FAM234A: variants seen among roughly 807,000 people sequenced by gnomAD.
The protein encoded by FAM234A is protein FAM234A.
Under a neutral mutation model 49.1 loss-of-function variants are expected in FAM234A, and 42 were observed. The observed-to-expected ratio is 0.86, with a 90% CI of 0.67 to 1.11. The LOEUF is 1.11. Ranked by LOEUF, FAM234A falls within the 50% of genes least tolerant of loss-of-function variation. FAM234A has a pLI of 0.00. For missense variants in FAM234A, 815 were observed against 745.2 expected, an observed-to-expected ratio of 1.09 and a Z score of -1.09; for synonymous variants, 369 against 316.2, an observed-to-expected ratio of 1.17 and a Z score of -1.77.
chr16:269,724 C>T, downstream of FAM234A: 1 of 676,488 alleles, frequency 1.5e-6, no homozygotes, highest in Non-Finnish European at 2.5e-6. Flanking sequence ...GAGGCAGCCG[C>T]CTCGGACCTG....
rs528140966 is a variant in FAM234A, at chr16:248,755, G to A, written c.-139-794G>A. Among the ~76,000 whole-genome samples the A allele has an allele frequency of 2.0e-5, 3 of 151,772 alleles. No homozygotes were observed. The South Asian group carries it at 6.2e-4, about 32-fold the overall frequency. On this transcript the variant is annotated intron_variant, in intron 1 of 12. Transcript: ENST00000399932. ...CCTGCCTCAGCCTCCTGAGTAGTTG[G>A]GACTATAGGTGCCCACCACCACACC...
At chr16:267,526 GCA>G (rs113070423), downstream of FAM234A, among the ~76,000 whole-genome samples, 33 of 148,136 alleles carry the variant, frequency 2.2e-4, no homozygotes, top group East Asian at 8.1e-4. Context: ...CACGACACGT[GCA>G]CACACACCAC....
In FAM234A at chr16:254,610, T is replaced by A; in HGVS notation, c.197T>A (p.Val66Asp). The A allele has an allele frequency of 6.2e-7, 1 of 1,613,508 alleles. No homozygotes were observed. Among genetic ancestry groups the A allele is most frequent in the South Asian group, 1.1e-5 (1 of 91,052 alleles). The change falls in exon 3 of 13, where the codon GTC (valine) becomes GAC (aspartate). Residue 66 changes from valine to aspartate, a missense_variant. Val to Asp is a radical substitution (Grantham distance 152). Transcript: ENST00000399932. The part of the protein sequence containing the change: ...LFLCLFVVFV[V>D]SFVIPCPDRP... Reference sequence around the variant, plus strand: ...CTCTGCCTTTTTGTGGTGTTCGTCGTCTCATTCGTCATCCCGTGTCCAGAC... The same window carrying A: ...CTCTGCCTTTTTGTGGTGTTCGTCGACTCATTCGTCATCCCGTGTCCAGAC...
chr16:237,841 C>A (rs1211499977), intron 1 of FAM234A, among the ~76,000 whole-genome samples: 2 of 150,728 alleles, frequency 1.3e-5, no homozygotes, highest in African/African-American at 4.9e-5. Context: ...GGAGCTGGGA[C>A]TACAAGCACG....
chr16:241,661 T>G (rs1422638305), intron 1 of FAM234A, among the ~76,000 whole-genome samples: 1 of 152,110 alleles, frequency 6.6e-6, no homozygotes, highest in Non-Finnish European at 1.5e-5. Flanking sequence ...CTCAGGCCTG[T>G]AATCCCAGCA....
In FAM234A at chr16:259,891, G is replaced by A. The variant is rs1461773627; in HGVS notation, c.386-78G>A. On this transcript the variant is annotated intron_variant, in intron 4 of 12. Transcript: ENST00000399932. ...GGAGAGGTGTGAGGAAAACAGACCT[G>A]GAACAGCACATGCTGGGGCTGGCCG... 4 of 1,333,208 alleles carry A rather than the reference G, an allele frequency of 3.0e-6. No individual in the cohort carries two copies. The African/African-American group carries it at 5.8e-5, about 19-fold the overall frequency. The allele number at this position is 1,333,208 out of a possible 1,614,324, so 82.6% of individuals were successfully genotyped here.
rs1006076461 is a variant in FAM234A at position 264,708 on chromosome 16, C to A, written c.1439C>A (p.Ala480Asp). Reference sequence around the variant, plus strand: ...GCCAATGTCTCTACCCACATTGTCGCCTTTGACGGTGAGTGTGGCCTCGGC... The same window carrying A: ...GCCAATGTCTCTACCCACATTGTCGACTTTGACGGTGAGTGTGGCCTCGGC... The part of the protein sequence containing the change: ...ELANVSTHIV[A>D]FDAVLFEPSR... The change falls in exon 12 of 13, where the codon GCC becomes GAC. Residue 480 changes from alanine to aspartate, a missense_variant. Physicochemically the swap from Ala to Asp is moderately radical, Grantham distance 126. Transcript: ENST00000399932. 1 of 1,611,324 alleles carries A rather than the reference C, an allele frequency of 6.2e-7. No individual in the cohort carries two copies. The highest frequency in any genetic ancestry group is 8.5e-7 in the Non-Finnish European group (1 of 1,179,752).
intron 1 of FAM234A, among the ~76,000 whole-genome samples, chr16:241,141 G>A (rs189957003): frequency 6.6e-6 from 1 of 151,934 alleles, no homozygotes; most frequent in African/African-American, 2.4e-5. Context: ...GGCTGGTCTC[G>A]AACTCCTGCG....
chr16:269,402 C>A, downstream of FAM234A: 1 of 1,594,674 alleles, frequency 6.3e-7, no homozygotes. Context: ...GAGAAGGCGG[C>A]TGAGAACAGG....
chr16:254,656 G>A lies in FAM234A; in HGVS notation c.243G>A (p.Met81Ile), dbSNP rs1377298153. 2 of 1,613,922 alleles carry A rather than the reference G, an allele frequency of 1.2e-6. No individual in the cohort carries two copies. The highest frequency in any genetic ancestry group is 1.7e-6 in the Non-Finnish European group (2 of 1,180,046). Residue 81 changes from methionine to isoleucine, a missense_variant, in exon 3 of 13, where the codon ATG becomes ATA. Coordinates refer to ENST00000399932, the MANE Select transcript of FAM234A (RefSeq NM_032039.4). ...PCPDRPASQR[M>I]WRIDYSAAVI... is the part of the protein sequence containing the mutation. Reference sequence around the variant, plus strand: ...CAGACCGGCCGGCGTCACAGCGAATGTGGAGGATAGACTACAGTGCCGCTG... The same window carrying A: ...CAGACCGGCCGGCGTCACAGCGAATATGGAGGATAGACTACAGTGCCGCTG...
chr16:238,810 C>T (rs368717306), intron 1 of FAM234A, among the ~76,000 whole-genome samples: 1 of 136,134 alleles, frequency 7.3e-6, no homozygotes, highest in Non-Finnish European at 1.6e-5. Context: ...CCTGGCTGGG[C>T]GTGGTGGCTC....
At chr16:269,362 C>G, downstream of FAM234A, 1 of 1,603,408 alleles carries the variant, frequency 6.2e-7, no homozygotes, top group Non-Finnish European at 8.5e-7. Context: ...AGTGCCGTGG[C>G]CTCCACGTAA....
chr16:238,324 C>G (rs963279470), intron 1 of FAM234A, among the ~76,000 whole-genome samples: 1 of 152,022 alleles, frequency 6.6e-6, no homozygotes, highest in African/African-American at 2.4e-5. Flanking sequence ...CGCCCCTGTC[C>G]GAACATTTTT....
chr16:235,328 G>C (rs2142159057), intron 1 of FAM234A, among the ~76,000 whole-genome samples: 1 of 152,278 alleles, frequency 6.6e-6, no homozygotes, highest in Non-Finnish European at 1.5e-5. Flanking sequence ...TCCTCTCTCG[G>C]GACGCTGTCT....
At chr16:245,572 A>G (rs539886384) in intron 1 of FAM234A, among the ~76,000 whole-genome samples, 1 of 152,304 alleles carries the variant, frequency 6.6e-6, no homozygotes, top group African/African-American at 2.4e-5. Context: ...TTGTGGAGCT[A>G]ACAACAATCT....
rs765243774 is a variant in FAM234A at position 260,396 on chromosome 16, T to C, written c.577+236T>C. ...GTTACCTCCCGTTACACCTTGCTGG[T>C]GGGCTGTAACACACAGGGGCAGTCC... On this transcript the variant is annotated intron_variant, in intron 5 of 12. Coordinates refer to ENST00000399932, the MANE Select transcript of FAM234A (RefSeq NM_032039.4). The C allele has an allele frequency of 1.1e-4, 63 of 579,950 alleles. No homozygotes were observed. In the South Asian group the frequency reaches 1.2e-3, roughly 11 times the overall value. 35.9% of individuals were successfully genotyped at this position (579,950 alleles called of 1,614,324 possible). A position where few individuals can be genotyped will look rare whatever the true frequency, so the allele number is the denominator to read the frequency against.
rs199806382 is a variant in FAM234A, at chr16:262,369, G to C, written c.842-55G>C. On this transcript the variant is annotated intron_variant, in intron 7 of 12. Coordinates refer to ENST00000399932, the MANE Select transcript of FAM234A (RefSeq NM_032039.4). ...CTCCATGTGGCACTGCGTGCCCCTG[G>C]TCCGGGTTCACAGCGTGACCCTGGT... The C allele has an allele frequency of 4.5e-6, 7 of 1,558,338 alleles. No homozygotes were observed. In the Admixed American group the frequency reaches 5.6e-5, roughly 12 times the overall value.
At chr16:257,121 C>T (rs992188242) in intron 3 of FAM234A, among the ~76,000 whole-genome samples, 2 of 152,016 alleles carry the variant, frequency 1.3e-5, no homozygotes, top group Non-Finnish European at 2.9e-5. Flanking sequence ...TCAAGTGATC[C>T]GCCTGCCTTG....
chr16:264,255 G>C, intron 11 of FAM234A, 84 bp downstream of exon 11: 1 of 1,356,488 alleles, frequency 7.4e-7, no homozygotes. Flanking sequence ...GTGCCCAGAA[G>C]CTCATCGGTG....
Sources: allele counts gnomAD v4.1 joint callset (sites outside exome capture counted in the v4.1 genomes callset), GRCh38; gene constraint gnomAD v4.1.1; transcripts MANE v1.5; gene names NCBI Gene and HGNC (gene_info 2026-07-23, HGNC 2026-07-21).